Variants in ANKRD55 observed in about 807,000 individuals in gnomAD.
ANKRD55 encodes ankyrin repeat domain-containing protein 55.
A neutral mutation model predicts 60.6 loss-of-function variants in ANKRD55; 41 were observed. That is an observed-to-expected ratio of 0.68 (90% CI 0.53 to 0.88). The LOEUF (loss-of-function observed/expected upper bound fraction) is 0.88, where lower values mean the gene tolerates loss of function less well. ANKRD55 is among the 40% of genes least tolerant of loss of function. The probability of loss-of-function intolerance (pLI) is 0.00; values close to 1 mark genes in which losing one functional copy is unlikely to be tolerated. For synonymous variants in ANKRD55, 264 were observed against 290.3 expected (o/e 0.91, Z 0.92); for missense variants, 732 against 767.6 (o/e 0.95, Z 0.55).
At chr5:56,131,882 A>C (rs1248351764) in intron 7 of ANKRD55, among the ~76,000 whole-genome samples, 1 of 151,612 alleles carries the variant, frequency 6.6e-6, no homozygotes, top group Non-Finnish European at 1.5e-5. Flanking sequence ...TTACGTAAAG[A>C]AAAGAAGAAC....
intron 3 of ANKRD55, among the ~76,000 whole-genome samples, chr5:56,177,090 ACC>A (rs1758753133): frequency 6.6e-6 from 1 of 152,216 alleles, no homozygotes; most frequent in Non-Finnish European, 1.5e-5. Flanking sequence ...CTGAAAGAAC[ACC>A]GAGTTCAGAG....
At chr5:56,215,019 A>T (rs1018616767) in intron 2 of ANKRD55, among the ~76,000 whole-genome samples, 1 of 152,180 alleles carries the variant, frequency 6.6e-6, no homozygotes, top group Non-Finnish European at 1.5e-5. Context: ...AGATCCCAGG[A>T]GTGGTCTAAG....
intron 11 of ANKRD55, among the ~76,000 whole-genome samples, chr5:56,102,054 C>T (rs111620450): frequency 1.5e-4 from 23 of 151,952 alleles, no homozygotes; most frequent in African/African-American, 5.1e-4. Flanking sequence ...CTCTGTTTTC[C>T]TGTAATTTAT....
At position 56,145,223 on chromosome 5, in the gene ANKRD55, G is replaced by A. The variant is rs563206513; in HGVS notation, c.484-1294C>T. Among the ~76,000 whole-genome samples, 37 of 152,280 alleles carry A rather than the reference G, an allele frequency of 2.4e-4. No individual in the cohort carries two copies. In the East Asian group the frequency reaches 7.1e-3, roughly 29 times the overall value. On this transcript the variant is annotated intron_variant, in intron 6 of 11. Coordinates refer to ENST00000341048, the MANE Select transcript of ANKRD55 (RefSeq NM_024669.3). The stretch of plus-strand genomic sequence containing the variant: ...GTGATGTCTCCTACGTGTTCACCAA[G>A]CTGTTTCCTCTTCCCCTAGGGCACA...
At chr5:56,159,062 A>G (rs1039617733) in intron 6 of ANKRD55, among the ~76,000 whole-genome samples, 2 of 151,100 alleles carry the variant, frequency 1.3e-5, no homozygotes, top group African/African-American at 2.4e-5. Context: ...GCCAGGCTGG[A>G]CTCTCAAACT....
intron 2 of ANKRD55, among the ~76,000 whole-genome samples, chr5:56,216,510 G>C (rs889858396): frequency 2.0e-5 from 3 of 152,194 alleles, no homozygotes; most frequent in African/African-American, 7.2e-5. Flanking sequence ...AAACAGACCA[G>C]AAACAAGTCC....
At chr5:56,211,542 C>A (rs1349454444) in intron 2 of ANKRD55, among the ~76,000 whole-genome samples, 1 of 152,214 alleles carries the variant, frequency 6.6e-6, no homozygotes. Flanking sequence ...AAGGCTGCAG[C>A]CTGTCAGGCC....
chr5:56,132,589 T>TAAAA (rs1183428923), intron 7 of ANKRD55, among the ~76,000 whole-genome samples: 1 of 84,762 alleles, frequency 1.2e-5, no homozygotes, highest in African/African-American at 4.6e-5. Context: ...AGACTCTATC[T>TAAAA]AAAAAAAAAA....
chr5:56,176,026 G>T, intron 4 of ANKRD55, 126 bp downstream of exon 4: 1 of 1,236,132 alleles, frequency 8.1e-7, no homozygotes, highest in African/African-American at 1.5e-5. Flanking sequence ...TTGGAGTAAA[G>T]CTTCAAGTTC....
intron 5 of ANKRD55, 48 bp from the exon 6 acceptor site, chr5:56,159,941 G>A (rs1274265385): frequency 6.5e-7 from 1 of 1,537,672 alleles, no homozygotes; most frequent in Non-Finnish European, 9.0e-7. Flanking sequence ...AGGCAGTCAC[G>A]GTGCTCTTGG....
At chr5:56,217,012 T>A (rs1759829307) in intron 2 of ANKRD55, among the ~76,000 whole-genome samples, 1 of 152,318 alleles carries the variant, frequency 6.6e-6, no homozygotes, top group East Asian at 1.9e-4. Context: ...AGAAGGGATG[T>A]CACTACCCAG....
At chr5:56,179,283 C>T (rs1758807127) in intron 3 of ANKRD55, among the ~76,000 whole-genome samples, 1 of 152,094 alleles carries the variant, frequency 6.6e-6, no homozygotes, top group South Asian at 2.1e-4. Context: ...CAAAGATACA[C>T]ACTATTATTT....
intron 7 of ANKRD55, 109 bp from the exon 8 acceptor site, chr5:56,127,215 GA>G: frequency 7.7e-7 from 1 of 1,296,142 alleles, no homozygotes; most frequent in Non-Finnish European, 9.8e-7. Context: ...AAGAAAGAAA[GA>G]AAAAAGATGA....
At chr5:56,112,502 A>C (rs1756743846) in intron 9 of ANKRD55, among the ~76,000 whole-genome samples, 1 of 146,808 alleles carries the variant, frequency 6.8e-6, no homozygotes, top group Non-Finnish European at 1.5e-5. Flanking sequence ...TCTCATCTCT[A>C]GCAAAAAAAA....
chr5:56,134,842 T>C (rs975481026), intron 7 of ANKRD55, among the ~76,000 whole-genome samples: 19 of 152,122 alleles, frequency 1.2e-4, no homozygotes, highest in Admixed American at 9.8e-4. Context: ...TAGATGTAAA[T>C]GTCCTCAACA....
At chr5:56,122,141 T>A (rs79954283) in intron 8 of ANKRD55, among the ~76,000 whole-genome samples, 1 of 152,208 alleles carries the variant, frequency 6.6e-6, no homozygotes, top group Non-Finnish European at 1.5e-5. Flanking sequence ...TCTAAAAAAA[T>A]GTTTCTTAAG....
In ANKRD55 at chr5:56,143,840, C is replaced by T. The variant is rs1189596237; in HGVS notation, c.573G>A (p.Val191=). Residue 191 remains valine (V), a synonymous_variant, in exon 7 of 12, where the codon GTG becomes GTA. Coordinates refer to ENST00000341048, the MANE Select transcript of ANKRD55 (RefSeq NM_024669.3). ...GGAGAGCGGTTTTAAAGTCTTTATC[C>T]ACAAGGGTGGGGTCTGCCCCCTTCT... ...LLKKGADPTL[V]DKDFKTALHW... 6.2e-7 allele frequency: 1 copy of T among 1,614,128 alleles called. No homozygotes were observed. Among genetic ancestry groups the T allele is most frequent in the South Asian group, 1.1e-5 (1 of 91,080 alleles).
At chr5:56,197,162 T>C (rs1163920422) in intron 2 of ANKRD55, among the ~76,000 whole-genome samples, 2 of 152,136 alleles carry the variant, frequency 1.3e-5, no homozygotes, top group Non-Finnish European at 2.9e-5. Context: ...TAGTCCAGGA[T>C]CACATAATAT....
chr5:56,166,166 C>T (rs56243118), intron 5 of ANKRD55, among the ~76,000 whole-genome samples: 95 of 92,336 alleles, frequency 1.0e-3, no homozygotes, highest in Middle Eastern at 5.2e-3. Context: ...TCTTTCCTTC[C>T]TTCCTTCCTT....
Sources: gnomAD v4.1 joint callset for allele counts (sites outside exome capture counted in the v4.1 genomes callset) on GRCh38, gnomAD v4.1.1 for gene constraint, MANE v1.5 for transcripts, NCBI Gene and HGNC (gene_info 2026-07-23, HGNC 2026-07-21) for gene names.